SPAG17: variants seen among roughly 807,000 people sequenced by gnomAD.
The protein encoded by SPAG17 is sperm-associated antigen 17.
Under a neutral mutation model 273.6 loss-of-function variants are expected in SPAG17, and 169 were observed. The observed-to-expected ratio is 0.62, with a 90% CI of 0.55 to 0.70. The LOEUF is 0.70. Among genes scored for constraint, SPAG17 ranks in the 30% least tolerant of loss-of-function variants. SPAG17 has a pLI of 0.00. For synonymous variants in SPAG17, 825 were observed against 873.2 expected, an observed-to-expected ratio of 0.94 and a Z score of 0.97; for missense variants, 2,557 against 2,627.8, an observed-to-expected ratio of 0.97 and a Z score of 0.59.
chr1:118,110,110 C>A (rs986314157), intron 4 of SPAG17, among the ~76,000 whole-genome samples: 5 of 151,950 alleles, frequency 3.3e-5, no homozygotes, highest in Non-Finnish European at 5.9e-5. Flanking sequence ...AGAATATTAT[C>A]CAAAATATGG....
At position 118,097,770 on chromosome 1, in the gene SPAG17, T is replaced by C; in HGVS notation, c.911A>G (p.Asn304Ser). The C allele has an allele frequency of 1.2e-6, 2 of 1,611,014 alleles. No homozygotes were observed. Among genetic ancestry groups the C allele is most frequent in the Non-Finnish European group, 8.5e-7 (1 of 1,178,924 alleles). Reference sequence around the variant, plus strand: ...GAGATTTGTTTCAGGTTTCTCATTATTCAGGACTGGTTCCAAGTACTTCCA... The same window carrying C: ...GAGATTTGTTTCAGGTTTCTCATTACTCAGGACTGGTTCCAAGTACTTCCA... The part of the protein sequence containing the change: ...TFWKYLEPVL[N>S]NEKPETNLFD... The change falls in exon 7 of 49, where the codon AAT becomes AGT. Residue 304 changes from asparagine to serine, a missense_variant. Asn to Ser is a conservative substitution (Grantham distance 46). Transcript: ENST00000336338.
At chr1:118,055,627 G>C in intron 19 of SPAG17, 106 bp downstream of exon 19, 1 of 954,170 alleles carries the variant, frequency 1.0e-6, no homozygotes, top group South Asian at 1.6e-5. Flanking sequence ...GAACTTTTTT[G>C]GGTAATTCTT....
chr1:118,046,799 A>G (rs1385282302), intron 20 of SPAG17, among the ~76,000 whole-genome samples: 2 of 152,198 alleles, frequency 1.3e-5, no homozygotes, highest in African/African-American at 4.8e-5. Context: ...ATAACATTTC[A>G]CTTATTTAGA....
intron 3 of SPAG17, among the ~76,000 whole-genome samples, chr1:118,137,571 G>A (rs1203269392): frequency 6.6e-6 from 1 of 152,186 alleles, no homozygotes; most frequent in Admixed American, 6.5e-5. Flanking sequence ...CTGAGTAAGA[G>A]TTTGTGTAGG....
Position 118,012,230 on chromosome 1 carries a change from G to A in SPAG17, c.4430C>T (p.Thr1477Ile). The change falls in exon 30 of 49, where the codon ACA (threonine) becomes ATA (isoleucine). Residue 1477 changes from threonine (T) to isoleucine (I), a missense_variant and splice_region_variant. Transcript: ENST00000336338. ...TGTACTCAGAAAATAAAACATACTT[G>A]TTTCTTGATCATCTGGCAGAATAAT... Reference protein sequence around the residue: ...DQIILPDDQETTEGPRTVTRQ... With the variant: ...DQIILPDDQEITEGPRTVTRQ... The A allele has an allele frequency of 6.2e-7, 1 of 1,612,240 alleles. No individual in the cohort carries two copies.
rs972236850 is a variant in SPAG17, at chr1:117,963,706, T to C, written c.*93A>G. On this transcript the variant is annotated intron_variant, in intron 48 of 48. Coordinates refer to ENST00000336338, the MANE Select transcript of SPAG17 (RefSeq NM_206996.4). Reference sequence around the variant, plus strand: ...TCATTCAGGCCAGGTGGCTTATAGGTTTCTGACTATAAGAAGAGGGGAAGA... The same window carrying C: ...TCATTCAGGCCAGGTGGCTTATAGGCTTCTGACTATAAGAAGAGGGGAAGA... 5.7e-6 allele frequency: 7 copies of C among 1,224,038 alleles called. No individual in the cohort carries two copies. In the South Asian group the frequency reaches 1.1e-4, roughly 19 times the overall value. The allele number at this position is 1,224,038 out of a possible 1,614,324, so 75.8% of individuals were successfully genotyped here.
chr1:118,057,777 G>T (rs933093173), intron 18 of SPAG17, among the ~76,000 whole-genome samples: 3 of 151,894 alleles, frequency 2.0e-5, no homozygotes, highest in Non-Finnish European at 4.4e-5. Flanking sequence ...AGAAACAATA[G>T]TTCTAGACAA....
In SPAG17 at chr1:118,120,931, T is replaced by G. The variant is rs990000207; in HGVS notation, c.316-5490A>C. Among the ~76,000 whole-genome samples, 10 of 152,322 alleles carry G rather than the reference T, an allele frequency of 6.6e-5. 1 individual carries two copies. The highest frequency in any genetic ancestry group is 3.9e-4 in the Admixed American group (6 of 15,300). ...TTATTTATTATAGAATGAAAGGAAC[T>G]AGTGGCTGATGAAGTATTTTCGAGC... On this transcript the variant is annotated intron_variant, in intron 3 of 48. Coordinates refer to ENST00000336338, the MANE Select transcript of SPAG17 (RefSeq NM_206996.4).
intron 42 of SPAG17, among the ~76,000 whole-genome samples, chr1:117,983,299 C>T (rs61806141): frequency 6.6e-6 from 1 of 152,174 alleles, no homozygotes; most frequent in African/African-American, 2.4e-5. Context: ...CCAGGTACCT[C>T]CCACAATACA....
In SPAG17 at chr1:118,185,065, G is replaced by A; in HGVS notation, c.87+6C>T. On this transcript the variant is annotated splice_donor_region_variant and intron_variant, in intron 1 of 48. Transcript: ENST00000336338. ...GCAGGGAGGGCTTAAAGGGCTCAAG[G>A]CTCACCTGATTGAACTGTGCAGCTA... The A allele has an allele frequency of 1.2e-6, 2 of 1,613,654 alleles. No homozygotes were observed. Among genetic ancestry groups the A allele is most frequent in the Admixed American group, 3.3e-5 (2 of 60,028 alleles).
At chr1:117,998,953 G>T (rs551016185) in intron 32 of SPAG17, among the ~76,000 whole-genome samples, 203 of 152,096 alleles carry the variant, frequency 1.3e-3, no homozygotes, top group Non-Finnish European at 2.6e-3. Flanking sequence ...TTTACATTAG[G>T]TATTTCTCCT....
At chr1:118,052,072 T>C (rs1651108280) in intron 20 of SPAG17, among the ~76,000 whole-genome samples, 2 of 141,612 alleles carry the variant, frequency 1.4e-5, no homozygotes, top group African/African-American at 5.1e-5. Context: ...ATAATTACAA[T>C]ATATAATATG....
chr1:118,183,099 A>G (rs1661021444), intron 1 of SPAG17, among the ~76,000 whole-genome samples: 1 of 152,178 alleles, frequency 6.6e-6, no homozygotes, highest in Non-Finnish European at 1.5e-5. Context: ...GGGTTATCCA[A>G]TGAGTTACTT....
rs574769915 is a variant in SPAG17 at position 118,049,800 on chromosome 1, GC to G, written c.2814+4201del. ...GGCATGAGCAGGGCAGATGTGGGCT[GC>G]CCCCCATCACACACAGCAGGAATGC... On this transcript the variant is annotated intron_variant, in intron 20 of 48. Coordinates refer to ENST00000336338, the MANE Select transcript of SPAG17 (RefSeq NM_206996.4). 2.7e-3 allele frequency among the ~76,000 whole-genome samples: 414 copies of G among 152,280 alleles called. 1 individual carries two copies. The highest frequency in any genetic ancestry group is 9.7e-3 in the African/African-American group (401 of 41,546).
chr1:118,142,851 T>C (rs917025271), intron 3 of SPAG17, among the ~76,000 whole-genome samples: 1 of 152,240 alleles, frequency 6.6e-6, no homozygotes, highest in Non-Finnish European at 1.5e-5. Flanking sequence ...CTCACCAAAC[T>C]AGTGGTAGGT....
intron 3 of SPAG17, among the ~76,000 whole-genome samples, chr1:118,125,218 T>C (rs190664902): frequency 3.6e-4 from 54 of 147,954 alleles, no homozygotes; most frequent in African/African-American, 1.3e-3. Context: ...TTGTATTATT[T>C]TTTATTGTAT....
chr1:118,132,399 G>C (rs1471030904), intron 3 of SPAG17, among the ~76,000 whole-genome samples: 1 of 152,164 alleles, frequency 6.6e-6, no homozygotes, highest in Non-Finnish European at 1.5e-5. Context: ...TGGGGGATGA[G>C]GTTGATACTG....
chr1:117,958,866 C>A, intron 48 of SPAG17: 1 of 1,535,572 alleles, frequency 6.5e-7, no homozygotes, highest in Non-Finnish European at 9.0e-7. Context: ...TTAAGTAGGG[C>A]TAGAACCTCT....
chr1:118,083,008 T>TTTTTG (rs934501969), intron 13 of SPAG17, among the ~76,000 whole-genome samples: 7 of 152,052 alleles, frequency 4.6e-5, no homozygotes, highest in Non-Finnish European at 8.8e-5. Flanking sequence ...TTATTGTTGC[T>TTTTTG]TTTTGTTTTG....
Sources: gnomAD v4.1 joint callset for allele counts (sites outside exome capture counted in the v4.1 genomes callset) on GRCh38, gnomAD v4.1.1 for gene constraint, MANE v1.5 for transcripts, NCBI Gene and HGNC (gene_info 2026-07-23, HGNC 2026-07-21) for gene names.